The following ANTXR2 variants were observed in gnomAD, a reference collection of about 807,000 sequenced individuals.
The protein encoded by ANTXR2 is anthrax toxin receptor 2.
Under a neutral mutation model 73.7 loss-of-function variants are expected in ANTXR2, and 44 were observed. The observed-to-expected ratio is 0.60, with a 90% confidence interval of 0.47 to 0.77. The LOEUF (loss-of-function observed/expected upper bound fraction) is 0.77. Among genes scored for constraint, ANTXR2 ranks in the 30% least tolerant of loss-of-function variants. The pLI is 0.00. For missense variants in ANTXR2, 604 were observed against 592.5 expected (o/e 1.02, Z -0.20); for synonymous variants, 217 against 205.9 (o/e 1.05, Z -0.46).
chr4:80,071,597 C>G lies in ANTXR2; in HGVS notation c.210G>C (p.Ala70=). 6.2e-7 allele frequency: 1 copy of G among 1,612,190 alleles called. No individual in the cohort carries two copies. The highest frequency in any genetic ancestry group is 8.5e-7 in the Non-Finnish European group (1 of 1,178,304). Residue 70 remains alanine (A), a synonymous_variant, in exon 2 of 17, where the codon GCG becomes GCC. Coordinates refer to ENST00000403729, the MANE Select transcript of ANTXR2 (RefSeq NM_058172.6). The part of the protein sequence containing the change: ...IEIYNFVQQL[A]ERFVSPEMRL... ...AAGAAAGATACCTCACAAATCTCTC[C>G]GCAAGTTGCTGTACGAAATTATAAA...
chr4:79,934,545 A>AAC (rs1728185541), intron 16 of ANTXR2, among the ~76,000 whole-genome samples: 2 of 123,042 alleles, frequency 1.6e-5, no homozygotes, highest in Non-Finnish European at 3.2e-5. Context: ...ACAACAACAA[A>AAC]AAAAAAAAAA....
At chr4:80,068,546 AT>A (rs1734621451) in intron 3 of ANTXR2, among the ~76,000 whole-genome samples, 2 of 152,274 alleles carry the variant, frequency 1.3e-5, no homozygotes, top group Admixed American at 6.5e-5. Context: ...AGGCAGGCAG[AT>A]CTCTTGAGGT....
At chr4:79,928,584 A>C (rs552525665) in intron 16 of ANTXR2, among the ~76,000 whole-genome samples, 1 of 152,168 alleles carries the variant, frequency 6.6e-6, no homozygotes, top group East Asian at 1.9e-4. Context: ...AAAAATTATC[A>C]TAATTCATAA....
intron 3 of ANTXR2, among the ~76,000 whole-genome samples, chr4:80,063,934 C>A (rs1734379264): frequency 6.6e-6 from 1 of 152,044 alleles, no homozygotes; most frequent in African/African-American, 2.4e-5. Flanking sequence ...AGGACATAGT[C>A]CCAAAAAGTA....
At chr4:79,959,102 G>C (rs1346225954) in intron 16 of ANTXR2, among the ~76,000 whole-genome samples, 1 of 151,830 alleles carries the variant, frequency 6.6e-6, no homozygotes, top group African/African-American at 2.4e-5. Flanking sequence ...AAAATTAAAA[G>C]CCTTCATTTG....
chr4:80,001,501 A>G (rs1295951436), intron 12 of ANTXR2, among the ~76,000 whole-genome samples: 1 of 151,906 alleles, frequency 6.6e-6, no homozygotes, highest in Non-Finnish European at 1.5e-5. Flanking sequence ...TAAAAAGTTC[A>G]GGGTTGAAAA....
chr4:79,994,728 C>T (rs1016521281), intron 12 of ANTXR2, among the ~76,000 whole-genome samples: 6 of 151,746 alleles, frequency 4.0e-5, no homozygotes, highest in African/African-American at 1.5e-4. Flanking sequence ...TTTAAAATCC[C>T]CATATGACCA....
chr4:80,060,087 A>G (rs1734175358), intron 3 of ANTXR2, among the ~76,000 whole-genome samples: 1 of 152,112 alleles, frequency 6.6e-6, no homozygotes, highest in African/African-American at 2.4e-5. Flanking sequence ...CAATGAGTCT[A>G]CACTCATCTG....
At chr4:79,949,370 T>C (rs1237704569) in intron 16 of ANTXR2, among the ~76,000 whole-genome samples, 3 of 152,202 alleles carry the variant, frequency 2.0e-5, no homozygotes, top group Non-Finnish European at 2.9e-5. Flanking sequence ...ATGCAGGTCA[T>C]TAATGATGAC....
chr4:79,952,319 T>C (rs186923170), intron 16 of ANTXR2, among the ~76,000 whole-genome samples: 3 of 151,792 alleles, frequency 2.0e-5, no homozygotes, highest in Non-Finnish European at 2.9e-5. Flanking sequence ...CTTTGGGTTA[T>C]AATTTTTGAG....
chr4:80,023,433 T>C (rs1477692859), intron 10 of ANTXR2, among the ~76,000 whole-genome samples: 1 of 152,220 alleles, frequency 6.6e-6, no homozygotes, highest in East Asian at 1.9e-4. Flanking sequence ...ATTAATTGAT[T>C]GTAGTAGCAA....
intron 16 of ANTXR2, among the ~76,000 whole-genome samples, chr4:79,943,658 C>A (rs1309648333): frequency 7.6e-6 from 1 of 132,234 alleles, no homozygotes; most frequent in Admixed American, 7.5e-5. Context: ...GTGGGTGCAG[C>A]GCACCAGCAT....
intron 12 of ANTXR2, among the ~76,000 whole-genome samples, chr4:80,004,011 G>GA (rs1390776763): frequency 6.6e-6 from 1 of 152,020 alleles, no homozygotes; most frequent in African/African-American, 2.4e-5. Context: ...CAACCTAAAT[G>GA]TTTTTCAACA....
intron 12 of ANTXR2, among the ~76,000 whole-genome samples, chr4:79,995,672 C>CAATT (rs1227156691): frequency 1.3e-5 from 2 of 151,846 alleles, no homozygotes; most frequent in Non-Finnish European, 2.9e-5. Flanking sequence ...TGTCTATATG[C>CAATT]AATTATATTC....
intron 16 of ANTXR2, among the ~76,000 whole-genome samples, chr4:79,945,750 G>T (rs1052974153): frequency 3.3e-5 from 5 of 152,110 alleles, no homozygotes; most frequent in African/African-American, 1.2e-4. Flanking sequence ...AGTCAGAAAG[G>T]TCTAAATTAA....
At chr4:79,977,888 A>T in intron 15 of ANTXR2, 119 bp downstream of exon 15, 1 of 1,289,894 alleles carries the variant, frequency 7.8e-7, no homozygotes, top group Non-Finnish European at 1.1e-6. Flanking sequence ...TTAAGAGTGT[A>T]CAATGAATAT....
chr4:79,978,658 C>G (rs1275969951), intron 14 of ANTXR2, among the ~76,000 whole-genome samples: 2 of 152,192 alleles, frequency 1.3e-5, no homozygotes, highest in Non-Finnish European at 2.9e-5. Flanking sequence ...GAGATAGAGA[C>G]TCTATTTTCT....
chr4:80,000,634 G>GTAACATT (rs1394630251), intron 12 of ANTXR2, among the ~76,000 whole-genome samples: 1 of 151,932 alleles, frequency 6.6e-6, no homozygotes, highest in African/African-American at 2.4e-5. Context: ...CACCAAAAGG[G>GTAACATT]TAACATTTGC....
chr4:79,984,793 T>C lies in ANTXR2; in HGVS notation c.1086+26A>G, dbSNP rs778617521. On this transcript the variant is annotated intron_variant, in intron 13 of 16. Transcript: ENST00000403729. ...TGCATTTGGAAAAAAAAAACAGCCATATCAGTTTTTTAGGCACTCACTTAC... is the reference window on the plus strand; with the variant it reads ...TGCATTTGGAAAAAAAAAACAGCCACATCAGTTTTTTAGGCACTCACTTAC... The C allele has an allele frequency of 1.3e-5, 20 of 1,589,896 alleles. No individual in the cohort carries two copies. The East Asian group carries it at 3.1e-4, about 25-fold the overall frequency.
Sources: gnomAD v4.1 joint callset for allele counts (sites outside exome capture counted in the v4.1 genomes callset) on GRCh38, gnomAD v4.1.1 for gene constraint, MANE v1.5 for transcripts, NCBI Gene and HGNC (gene_info 2026-07-23, HGNC 2026-07-21) for gene names.